LRFN2: variants seen among roughly 807,000 people sequenced by gnomAD.
LRFN2 encodes the protein leucine-rich repeat and fibronectin type-III domain-containing protein 2.
In LRFN2, 18 loss-of-function variants were observed where a neutral mutation model predicts 37.3. The observed-to-expected ratio is 0.48, with a 90% CI of 0.33 to 0.72. The LOEUF is 0.72. Among genes scored for constraint, LRFN2 ranks in the 30% least tolerant of loss-of-function variants. The pLI is 0.02. For synonymous variants in LRFN2, 556 were observed against 466.6 expected, an observed-to-expected ratio of 1.19 and a Z score of -2.47; for missense variants, 1,006 against 1,060.7, an observed-to-expected ratio of 0.95 and a Z score of 0.72.
chr6:40,581,012 G>A (rs1023427199), intron 1 of LRFN2, among the ~76,000 whole-genome samples: 5 of 152,162 alleles, frequency 3.3e-5, no homozygotes, highest in Admixed American at 1.3e-4. Context: ...GGGTGTGTGT[G>A]TATGAATGTG....
At chr6:40,394,016 G>A (rs775940619) in intron 2 of LRFN2, among the ~76,000 whole-genome samples, 16 of 152,280 alleles carry the variant, frequency 1.1e-4, no homozygotes, top group East Asian at 1.9e-4. Flanking sequence ...GGAAAGGGAC[G>A]ATTCCTTGGT....
At chr6:40,513,674 A>G (rs988927411) in intron 1 of LRFN2, among the ~76,000 whole-genome samples, 1 of 152,196 alleles carries the variant, frequency 6.6e-6, no homozygotes, top group African/African-American at 2.4e-5. Flanking sequence ...TAAGTTAACT[A>G]TATAATCTGT....
chr6:40,524,420 C>T (rs1301571448), intron 1 of LRFN2, among the ~76,000 whole-genome samples: 1 of 144,152 alleles, frequency 6.9e-6, no homozygotes, highest in Non-Finnish European at 1.5e-5. Context: ...CACACACTGA[C>T]ACATACTGAC....
chr6:40,499,610 G>T (rs1765323178), intron 1 of LRFN2, among the ~76,000 whole-genome samples: 6 of 152,152 alleles, frequency 3.9e-5, no homozygotes, highest in Admixed American at 3.9e-4. Context: ...ATGTGTTCGT[G>T]GTTTCTCTCT....
intron 1 of LRFN2, among the ~76,000 whole-genome samples, chr6:40,456,590 T>C (rs935599406): frequency 6.6e-6 from 1 of 152,246 alleles, no homozygotes; most frequent in Admixed American, 6.5e-5. Context: ...TGCACAGCCC[T>C]TTAAAGTTAA....
intron 1 of LRFN2, among the ~76,000 whole-genome samples, chr6:40,464,759 T>C (rs1764421946): frequency 1.3e-5 from 2 of 151,986 alleles, no homozygotes; most frequent in Non-Finnish European, 2.9e-5. Context: ...AGGTCAAAAA[T>C]GCAGAAGAGT....
intron 1 of LRFN2, among the ~76,000 whole-genome samples, chr6:40,498,143 G>T (rs1377586441): frequency 6.6e-6 from 1 of 152,144 alleles, no homozygotes; most frequent in African/African-American, 2.4e-5. Context: ...CCACCGAAAG[G>T]CTCTGTCACT....
intron 1 of LRFN2, among the ~76,000 whole-genome samples, chr6:40,461,444 T>C (rs1764345915): frequency 6.6e-6 from 1 of 151,834 alleles, no homozygotes. Context: ...AAAGAAATTA[T>C]ACACACTGCA....
At chr6:40,584,213 C>A (rs1254320827) in intron 1 of LRFN2, among the ~76,000 whole-genome samples, 3 of 152,194 alleles carry the variant, frequency 2.0e-5, no homozygotes. Flanking sequence ...TCCCTTCCAA[C>A]CCTCCCTGTT....
chr6:40,463,745 C>T (rs570470606), intron 1 of LRFN2, among the ~76,000 whole-genome samples: 13 of 142,904 alleles, frequency 9.1e-5, no homozygotes, highest in Non-Finnish European at 1.4e-4. Flanking sequence ...GGCACGATCA[C>T]GGCTCACTGC....
chr6:40,443,149 C>T (rs535745640), intron 1 of LRFN2, among the ~76,000 whole-genome samples: 104 of 152,262 alleles, frequency 6.8e-4, no homozygotes, highest in Non-Finnish European at 1.1e-3. Context: ...AGGGATCCCA[C>T]GTGGTACCGG....
chr6:40,579,299 C>A (rs1159555706), intron 1 of LRFN2, among the ~76,000 whole-genome samples: 1 of 152,172 alleles, frequency 6.6e-6, no homozygotes, highest in African/African-American at 2.4e-5. Context: ...CAGCTCAGCC[C>A]CTGTGACATA....
chr6:40,584,445 T>C (rs773374955), intron 1 of LRFN2, among the ~76,000 whole-genome samples: 4 of 152,142 alleles, frequency 2.6e-5, no homozygotes, highest in Admixed American at 6.5e-5. Context: ...CTTCAATAAG[T>C]TGGACCCTAA....
intron 1 of LRFN2, among the ~76,000 whole-genome samples, chr6:40,507,593 G>T (rs539326577): frequency 3.3e-5 from 5 of 152,200 alleles, no homozygotes; most frequent in African/African-American, 9.7e-5. Flanking sequence ...TGGGCAGGCC[G>T]TTGGGACCCT....
chr6:40,497,538 A>G (rs1025337211), intron 1 of LRFN2, among the ~76,000 whole-genome samples: 12 of 152,154 alleles, frequency 7.9e-5, no homozygotes, highest in Non-Finnish European at 1.6e-4. Context: ...CCGTTACCAT[A>G]TTAGCATCTA....
chr6:40,402,480 T>C (rs966510969), intron 2 of LRFN2, among the ~76,000 whole-genome samples: 1 of 152,256 alleles, frequency 6.6e-6, no homozygotes, highest in Non-Finnish European at 1.5e-5. Context: ...TGCCTTACTT[T>C]ACAATGATAG....
At chr6:40,399,246 T>C (rs1199825620) in intron 2 of LRFN2, among the ~76,000 whole-genome samples, 2 of 151,532 alleles carry the variant, frequency 1.3e-5, no homozygotes, top group Non-Finnish European at 2.9e-5. Flanking sequence ...CCTTCCAGCC[T>C]TGGATGGGGA....
At chr6:40,455,153 T>C (rs1433736) in intron 1 of LRFN2, among the ~76,000 whole-genome samples, 142,170 of 152,298 alleles carry the variant, frequency 0.93, 67,149 homozygotes, top group Non-Finnish European at 1. Flanking sequence ...ACTGTTTCCC[T>C]TCCTCTTTAT....
At chr6:40,519,346 C>T (rs1765981707) in intron 1 of LRFN2, among the ~76,000 whole-genome samples, 1 of 152,132 alleles carries the variant, frequency 6.6e-6, no homozygotes, top group Non-Finnish European at 1.5e-5. Flanking sequence ...CTGGTATGGT[C>T]CCAAATCTGC....
Sources: gnomAD v4.1 joint callset for allele counts (sites outside exome capture counted in the v4.1 genomes callset) on GRCh38, gnomAD v4.1.1 for gene constraint, MANE v1.5 for transcripts, NCBI Gene and HGNC (gene_info 2026-07-23, HGNC 2026-07-21) for gene names.